The following GRIA1 variants were observed in gnomAD, a reference collection of about 807,000 sequenced individuals.
The protein encoded by GRIA1 is glutamate ionotropic receptor AMPA type subunit 1.
In GRIA1, 31 loss-of-function variants were observed where a neutral mutation model predicts 99.2. The observed-to-expected ratio is 0.31, with a 90% confidence interval of 0.23 to 0.42. The LOEUF is 0.42. Among genes scored for constraint, GRIA1 ranks in the 10% least tolerant of loss-of-function variants. The pLI is 1.00. For synonymous variants in GRIA1, 438 were observed against 432.4 expected (o/e 1.01, Z -0.16); for missense variants, 782 against 1,157.5 (o/e 0.68, Z 4.71).
intron 2 of GRIA1, among the ~76,000 whole-genome samples, chr5:153,616,798 A>G (rs1766549673): frequency 1.3e-5 from 2 of 152,156 alleles, no homozygotes; most frequent in Admixed American, 1.3e-4. Flanking sequence ...GTTGGAGGCC[A>G]TGTGGCTATT....
intron 2 of GRIA1, among the ~76,000 whole-genome samples, chr5:153,535,762 C>T (rs144359320): frequency 1.7e-4 from 26 of 152,354 alleles, no homozygotes; most frequent in African/African-American, 6.3e-4. Flanking sequence ...CACTCCCTAA[C>T]TCAGTGGCAG....
At chr5:153,521,495 G>A (rs1757137890) in intron 2 of GRIA1, among the ~76,000 whole-genome samples, 2 of 152,198 alleles carry the variant, frequency 1.3e-5, no homozygotes, top group Non-Finnish European at 2.9e-5. Context: ...CTGGCTCAGT[G>A]GGGAAGGAGA....
chr5:153,719,831 G>C (rs962963246), intron 11 of GRIA1, among the ~76,000 whole-genome samples: 1 of 151,978 alleles, frequency 6.6e-6, no homozygotes, highest in African/African-American at 2.4e-5. Context: ...TATAAAATAA[G>C]GATTATATAT....
intron 2 of GRIA1, among the ~76,000 whole-genome samples, chr5:153,634,580 G>T (rs1753218157): frequency 6.6e-6 from 1 of 152,136 alleles, no homozygotes; most frequent in African/African-American, 2.4e-5. Context: ...GGAGAGATAG[G>T]CAGGGCCAGA....
intron 2 of GRIA1, among the ~76,000 whole-genome samples, chr5:153,535,341 C>T (rs1758470055): frequency 6.6e-6 from 1 of 152,218 alleles, no homozygotes; most frequent in African/African-American, 2.4e-5. Flanking sequence ...CCATCCACCA[C>T]CATTGTTTAT....
intron 2 of GRIA1, among the ~76,000 whole-genome samples, chr5:153,522,909 GA>G (rs1757277450): frequency 6.6e-6 from 1 of 152,042 alleles, no homozygotes; most frequent in South Asian, 2.1e-4. Flanking sequence ...CTAGAACATA[GA>G]AAAATCTTCT....
chr5:153,766,358 G>T (rs986583581), intron 12 of GRIA1, among the ~76,000 whole-genome samples: 3 of 152,132 alleles, frequency 2.0e-5, no homozygotes, highest in Admixed American at 2.0e-4. Flanking sequence ...TGTCCATAAA[G>T]CCTGTCCTAT....
intron 15 of GRIA1, among the ~76,000 whole-genome samples, chr5:153,806,660 T>C (rs927522172): frequency 6.6e-6 from 1 of 151,936 alleles, no homozygotes; most frequent in Non-Finnish European, 1.5e-5. Context: ...TCACTCTTCA[T>C]GGATGAAAGA....
chr5:153,724,787 T>C (rs865932847), intron 11 of GRIA1, among the ~76,000 whole-genome samples: 30 of 149,346 alleles, frequency 2.0e-4, no homozygotes, highest in African/African-American at 7.3e-4. Context: ...TACCTGAAAG[T>C]GATGGGGAGA....
At chr5:153,579,230 T>C (rs1762833861) in intron 2 of GRIA1, among the ~76,000 whole-genome samples, 1 of 152,210 alleles carries the variant, frequency 6.6e-6, no homozygotes, top group African/African-American at 2.4e-5. Context: ...TAACTGGCCA[T>C]AAAATGCTTT....
At chr5:153,659,991 G>A (rs1471774904) in intron 5 of GRIA1, among the ~76,000 whole-genome samples, 1 of 152,032 alleles carries the variant, frequency 6.6e-6, no homozygotes, top group Non-Finnish European at 1.5e-5. Context: ...TCATACTACC[G>A]GGTTTTGGAT....
Position 153,565,354 on chromosome 5 carries a change from T to G in GRIA1, c.220+71289T>G, listed in dbSNP as rs539397861. Among the ~76,000 whole-genome samples, 19 of 152,302 alleles carry G rather than the reference T, an allele frequency of 1.2e-4. No homozygotes were observed. The South Asian group carries it at 3.9e-3, about 32-fold the overall frequency. On this transcript the variant is annotated intron_variant, in intron 2 of 15. Coordinates refer to ENST00000285900, the MANE Select transcript of GRIA1 (RefSeq NM_000827.4). ...TCTACACTAAACAAAGAAAAGTGCTTCAATAAATCTGTGTTTCTAAGCAAT... is the reference window on the plus strand; with the variant it reads ...TCTACACTAAACAAAGAAAAGTGCTGCAATAAATCTGTGTTTCTAAGCAAT...
chr5:153,587,843 T>G (rs537005399), intron 2 of GRIA1, among the ~76,000 whole-genome samples: 1 of 152,230 alleles, frequency 6.6e-6, no homozygotes, highest in Non-Finnish European at 1.5e-5. Context: ...GGGCAAGCAG[T>G]TGTAAATCAA....
At chr5:153,804,746 T>G (rs1434642173) in intron 15 of GRIA1, among the ~76,000 whole-genome samples, 2 of 124,730 alleles carry the variant, frequency 1.6e-5, no homozygotes, top group Admixed American at 1.5e-4. Flanking sequence ...TATTTATTTA[T>G]TTATTTATTT....
intron 2 of GRIA1, among the ~76,000 whole-genome samples, chr5:153,593,035 G>T (rs564059844): frequency 6.6e-6 from 1 of 152,348 alleles, no homozygotes; most frequent in African/African-American, 2.4e-5. Flanking sequence ...GGAGGCCGAG[G>T]TGGGTGGATT....
At chr5:153,530,374 C>T (rs1757982124) in intron 2 of GRIA1, among the ~76,000 whole-genome samples, 1 of 152,208 alleles carries the variant, frequency 6.6e-6, no homozygotes, top group Non-Finnish European at 1.5e-5. Flanking sequence ...CGACAGTTTG[C>T]TCTCCAAGCT....
intron 2 of GRIA1, among the ~76,000 whole-genome samples, chr5:153,514,392 C>T (rs974488522): frequency 6.6e-6 from 1 of 152,144 alleles, no homozygotes; most frequent in African/African-American, 2.4e-5. Flanking sequence ...CGGTCCAATT[C>T]AATTCTTCTG....
intron 2 of GRIA1, among the ~76,000 whole-genome samples, chr5:153,555,134 A>G (rs1250088265): frequency 6.6e-6 from 1 of 151,930 alleles, no homozygotes; most frequent in South Asian, 2.1e-4. Context: ...ACAGGAGGAT[A>G]TGAAATAGAG....
intron 13 of GRIA1, among the ~76,000 whole-genome samples, chr5:153,776,864 A>T (rs1405363221): frequency 6.6e-6 from 1 of 152,196 alleles, no homozygotes; most frequent in Non-Finnish European, 1.5e-5. Context: ...ACGATAAAAC[A>T]TGCTTGTATC....
Sources: gnomAD v4.1 joint callset for allele counts (sites outside exome capture counted in the v4.1 genomes callset) on GRCh38, gnomAD v4.1.1 for gene constraint, MANE v1.5 for transcripts, NCBI Gene and HGNC (gene_info 2026-07-23, HGNC 2026-07-21) for gene names.